The following VAMP4 variants were observed in gnomAD, a reference collection of about 807,000 sequenced individuals.
VAMP4 encodes the protein vesicle-associated membrane protein 4.
Under a neutral mutation model 23.5 loss-of-function variants are expected in VAMP4, and 19 were observed. That is an observed-to-expected ratio of 0.81 (90% CI 0.56 to 1.19). VAMP4 has a LOEUF of 1.19. VAMP4 is among the 50% of genes most tolerant of loss of function. The probability of loss-of-function intolerance (pLI) is 0.00; values close to 1 mark genes in which losing one functional copy is unlikely to be tolerated. For missense variants in VAMP4, 145 were observed against 168.6 expected, an observed-to-expected ratio of 0.86 and a Z score of 0.78; for synonymous variants, 31 against 51.0, an observed-to-expected ratio of 0.61 and a Z score of 1.67.
At chr1:171,719,417 C>T (rs1268665260) in intron 3 of VAMP4, among the ~76,000 whole-genome samples, 196 bp from the exon 4 acceptor site, 1 of 152,048 alleles carries the variant, frequency 6.6e-6, no homozygotes, top group East Asian at 1.9e-4. Flanking sequence ...ACTTCATTGG[C>T]ACTTATTACT....
intron 7 of VAMP4, among the ~76,000 whole-genome samples, chr1:171,705,397 A>G (rs892020272): frequency 1.3e-5 from 2 of 152,152 alleles, no homozygotes; most frequent in African/African-American, 4.8e-5. Context: ...ACCAACAAAA[A>G]GCACAACAAT....
chr1:171,708,483 G>A (rs1408960119), intron 6 of VAMP4, among the ~76,000 whole-genome samples: 4 of 151,786 alleles, frequency 2.6e-5, no homozygotes, highest in Admixed American at 2.0e-4. Flanking sequence ...AAAGTAGGAC[G>A]ATTCAATAGG....
At chr1:171,720,604 A>C (rs1014625403) in intron 3 of VAMP4, among the ~76,000 whole-genome samples, 1 of 152,034 alleles carries the variant, frequency 6.6e-6, no homozygotes, top group African/African-American at 2.4e-5. Flanking sequence ...AGCTAAGTGA[A>C]GCGTAGATAG....
chr1:171,727,316 T>G (rs1655407899), intron 3 of VAMP4, among the ~76,000 whole-genome samples: 1 of 134,430 alleles, frequency 7.4e-6, no homozygotes, highest in South Asian at 2.5e-4. Flanking sequence ...TTTGAACACA[T>G]ACTTCACCAA....
At chr1:171,727,257 A>G (rs1230767134) in intron 3 of VAMP4, among the ~76,000 whole-genome samples, 2 of 150,796 alleles carry the variant, frequency 1.3e-5, no homozygotes, top group Admixed American at 6.6e-5. Flanking sequence ...AAAAAAAAAA[A>G]AAGCCAAAAA....
intron 3 of VAMP4, among the ~76,000 whole-genome samples, chr1:171,726,277 C>T (rs1237300392): frequency 6.6e-6 from 1 of 151,776 alleles, no homozygotes; most frequent in African/African-American, 2.4e-5. Context: ...GTCTTGAACT[C>T]CTGACCTTGT....
chr1:171,711,126 G>C (rs1245504812), intron 4 of VAMP4, among the ~76,000 whole-genome samples: 1 of 152,082 alleles, frequency 6.6e-6, no homozygotes, highest in Non-Finnish European at 1.5e-5. Flanking sequence ...TAGTTAAACA[G>C]CTTCACTAAA....
chr1:171,704,623 A>ACTT, intron 7 of VAMP4, 89 bp from the exon 8 acceptor site: 1 of 1,040,668 alleles, frequency 9.6e-7, no homozygotes, highest in East Asian at 2.9e-5. Context: ...AGTTGTGTCT[A>ACTT]CTTTTAGAAA....
chr1:171,715,072 G>T (rs1337197499), intron 4 of VAMP4, among the ~76,000 whole-genome samples: 2 of 152,146 alleles, frequency 1.3e-5, no homozygotes, highest in Non-Finnish European at 2.9e-5. Context: ...ATATGTCAGA[G>T]GAGGTAATAT....
Position 171,701,435 on chromosome 1 carries a change from A to C in VAMP4, c.*3071T>G, listed in dbSNP as rs1654429937. ...ATGTGTGCAATGATGCTGACAAGGC[A>C]TCAAGCATGTTTTAGAGTATACCGG... is the stretch of plus-strand genomic sequence containing the variant. On this transcript the variant is annotated 3_prime_UTR_variant, in exon 8 of 8. Transcript: ENST00000236192. The C allele has an allele frequency of 6.6e-6, 1 of 152,214 alleles. No homozygotes were observed. The highest frequency in any genetic ancestry group is 2.4e-5 in the African/African-American group (1 of 41,468). 9.4% of individuals were successfully genotyped at this position (152,214 alleles called of 1,614,324 possible).
At chr1:171,734,536 G>A (rs903425152) in intron 2 of VAMP4, among the ~76,000 whole-genome samples, 9 of 152,092 alleles carry the variant, frequency 5.9e-5, no homozygotes, top group African/African-American at 2.2e-4. Context: ...GGTGATTGTT[G>A]CACAACTCTG....
Position 171,704,315 on chromosome 1 carries a change from A to T in VAMP4, c.*191T>A, listed in dbSNP as rs923125287. ...TCTCTTTGCCTTAAACATAATTATT[A>T]AAAGAACATTTTGTTAGAAAGGGAG... is the stretch of plus-strand genomic sequence containing the variant. On this transcript the variant is annotated 3_prime_UTR_variant, in exon 8 of 8. Transcript: ENST00000236192. 2.5e-6 allele frequency: 1 copy of T among 393,072 alleles called. No homozygotes were observed. Among genetic ancestry groups the T allele is most frequent in the African/African-American group, 2.1e-5 (1 of 48,004 alleles). 24.3% of individuals were successfully genotyped at this position (393,072 alleles called of 1,614,324 possible).
At chr1:171,736,326 A>C (rs1655739702) in intron 2 of VAMP4, among the ~76,000 whole-genome samples, 1 of 152,134 alleles carries the variant, frequency 6.6e-6, no homozygotes, top group Admixed American at 6.5e-5. Flanking sequence ...TCCCTGAGTG[A>C]TTTCTCAATC....
Position 171,734,267 on chromosome 1 carries a change from C to CAAAA in VAMP4, c.66+4078_66+4081dup, listed in dbSNP as rs35870022. 1.9e-3 allele frequency among the ~76,000 whole-genome samples: 154 copies of CAAAA among 79,438 alleles called. 5 individuals are homozygous for CAAAA. The highest frequency in any genetic ancestry group is 5.3e-3 in the African/African-American group (109 of 20,406). 52.1% of individuals were successfully genotyped at this position (79,438 alleles called of 152,430 possible). ...TGGGCAACAGAGGGAGACTCCGTCT[C>CAAAA]AAAAAAAAAAAAAAAAAAAAATGAA... On this transcript the variant is annotated intron_variant, in intron 2 of 7. Coordinates refer to ENST00000236192, the MANE Select transcript of VAMP4 (RefSeq NM_003762.5).
chr1:171,721,187 A>G (rs1655183215), intron 3 of VAMP4, among the ~76,000 whole-genome samples: 1 of 152,154 alleles, frequency 6.6e-6, no homozygotes, highest in Non-Finnish European at 1.5e-5. Flanking sequence ...CAGTAACAAC[A>G]TGCAATGAAA....
intron 3 of VAMP4, among the ~76,000 whole-genome samples, chr1:171,719,659 G>A (rs998323204): frequency 6.6e-6 from 1 of 151,978 alleles, no homozygotes; most frequent in African/African-American, 2.4e-5. Flanking sequence ...AAAGTGAACT[G>A]CCGATTGACA....
At chr1:171,724,868 A>G (rs909808680) in intron 3 of VAMP4, among the ~76,000 whole-genome samples, 4 of 152,230 alleles carry the variant, frequency 2.6e-5, no homozygotes, top group African/African-American at 9.6e-5. Flanking sequence ...GTATTGATGT[A>G]AGAAAGACAC....
At position 171,728,582 on chromosome 1, in the gene VAMP4, A is replaced by C. The variant is rs1185495026; in HGVS notation, c.67-12T>G. On this transcript the variant is annotated splice_polypyrimidine_tract_variant and intron_variant, in intron 2 of 7. Transcript: ENST00000236192. ...TCCAAAAGATTTCTCTGTCAAAAAAAGAAAAAGACTTGAGTTTTCAGATTC... is the reference window on the plus strand; with the variant it reads ...TCCAAAAGATTTCTCTGTCAAAAAACGAAAAAGACTTGAGTTTTCAGATTC... 6.4e-7 allele frequency: 1 copy of C among 1,560,342 alleles called. No individual in the cohort carries two copies. The highest frequency in any genetic ancestry group is 2.0e-5 in the Admixed American group (1 of 50,052).
intron 1 of VAMP4, among the ~76,000 whole-genome samples, chr1:171,741,632 T>C (rs895655830): frequency 6.6e-6 from 1 of 151,610 alleles, no homozygotes; most frequent in African/African-American, 2.4e-5. Flanking sequence ...ACCTTCCCCA[T>C]CCATGGTACT....
Sources: allele counts gnomAD v4.1 joint callset (sites outside exome capture counted in the v4.1 genomes callset), GRCh38; gene constraint gnomAD v4.1.1; transcripts MANE v1.5; gene names NCBI Gene and HGNC (gene_info 2026-07-23, HGNC 2026-07-21).